ARAP3: variants seen among roughly 807,000 people sequenced by gnomAD.
The protein encoded by ARAP3 is ArfGAP with RhoGAP domain, ankyrin repeat and PH domain 3.
Under a neutral mutation model 169.2 loss-of-function variants are expected in ARAP3, and 82 were observed. The observed-to-expected ratio is 0.48, with a 90% CI of 0.41 to 0.58. The LOEUF is 0.58. Ranked by LOEUF, ARAP3 falls within the 20% of genes least tolerant of loss-of-function variation. The pLI is 0.00. For missense variants in ARAP3, 1,764 were observed against 2,018.0 expected (o/e 0.87, Z 2.41); for synonymous variants, 791 against 800.3 (o/e 0.99, Z 0.20).
Position 141,671,335 on chromosome 5 carries a change from C to A in ARAP3, c.1920G>T (p.Glu640Asp), listed in dbSNP as rs1159568855. ...ACCAGGGCTCCTCGCCTTCAAAGGC[C>A]TCAACACAGAGGAGCTGGGTCATGT... Reference protein sequence around the residue: ...LKNMTQLLCVEAFEGEEPWFP... With the variant: ...LKNMTQLLCVDAFEGEEPWFP... The change falls in exon 13 of 33, where the codon GAG becomes GAT. Residue 640 changes from glutamate to aspartate, a missense_variant. Physicochemically the swap from Glu to Asp is conservative, Grantham distance 45. Coordinates refer to ENST00000239440, the MANE Select transcript of ARAP3 (RefSeq NM_022481.6). This position sits in a 1 kb window ranked among gnomAD's most constrained non-coding sequence, Gnocchi z 4.9. 6.2e-7 allele frequency: 1 copy of A among 1,613,808 alleles called. No homozygotes were observed. The highest frequency in any genetic ancestry group is 1.7e-5 in the Admixed American group (1 of 59,954).
chr5:141,675,826 A>T (rs1275240012), intron 4 of ARAP3, among the ~76,000 whole-genome samples: 1 of 152,152 alleles, frequency 6.6e-6, no homozygotes, highest in Non-Finnish European at 1.5e-5. Flanking sequence ...ATCAGATAAG[A>T]ACCCCCACAG....
At chr5:141,666,152 C>T (rs185692147) in intron 17 of ARAP3, among the ~76,000 whole-genome samples, 159 of 152,102 alleles carry the variant, frequency 1.0e-3, no homozygotes, top group Admixed American at 1.8e-3. Context: ...CTATTTGAAC[C>T]TCACTACAAC....
At chr5:141,665,760 G>C (rs1448043751) in intron 17 of ARAP3, among the ~76,000 whole-genome samples, 1 of 152,144 alleles carries the variant, frequency 6.6e-6, no homozygotes, top group Admixed American at 6.5e-5. Flanking sequence ...ACCGGGCGCA[G>C]TGGCTCACTC....
chr5:141,669,780 C>A lies in ARAP3; in HGVS notation c.2281G>T (p.Gly761Trp). The A allele has an allele frequency of 1.9e-6, 3 of 1,614,142 alleles. No homozygotes were observed. The highest frequency in any genetic ancestry group is 1.1e-5 in the South Asian group (1 of 91,084). ...GTGCCAAAATGCTGGATCCTCCCCC[C>A]AGCGAGGATGAGCTCAAAGGAAAAG... ...FPFSFELILA[G>W]GRIQHFGTDG... The change falls in exon 16 of 33, where the codon GGG becomes TGG. Residue 761 changes from glycine (G) to tryptophan (W), a missense_variant. Gly to Trp is a radical substitution (Grantham distance 184). This residue lies in a region of ARAP3 where 1,112 missense variants were observed against 1,285.7 expected (regional missense o/e 0.86). Transcript: ENST00000239440.
At chr5:141,681,009 G>A (rs544757367) in intron 1 of ARAP3, among the ~76,000 whole-genome samples, 10 of 152,246 alleles carry the variant, frequency 6.6e-5, no homozygotes, top group Admixed American at 3.3e-4. Context: ...TTCCAGAGCC[G>A]ATGTATGCAG....
In ARAP3 at chr5:141,655,604, A is replaced by G; in HGVS notation, c.4110+17T>C. 1 of 1,584,162 alleles carries G rather than the reference A, an allele frequency of 6.3e-7. No individual in the cohort carries two copies. Among genetic ancestry groups the G allele is most frequent in the East Asian group, 2.3e-5 (1 of 42,730 alleles). On this transcript the variant is annotated intron_variant, in intron 31 of 32. Coordinates refer to ENST00000239440, the MANE Select transcript of ARAP3 (RefSeq NM_022481.6). ...TACACGACAGGAATCGGGTTGGGGC[A>G]GGGTGGGGTGCCTTACCAGGGTCTG...
In ARAP3 at chr5:141,672,995, G is replaced by C; in HGVS notation, c.1093+18C>G. ...CCTCCCTCCCTCCTGCCCTGACTCA[G>C]GGGGCTGTGGCCCTCACCCTCGCTC... On this transcript the variant is annotated intron_variant, in intron 7 of 32. Coordinates refer to ENST00000239440, the MANE Select transcript of ARAP3 (RefSeq NM_022481.6). This position sits in a 1 kb window ranked among gnomAD's most constrained non-coding sequence, Gnocchi z 4.9. The C allele has an allele frequency of 6.2e-7, 1 of 1,614,090 alleles. No homozygotes were observed. The highest frequency in any genetic ancestry group is 8.5e-7 in the Non-Finnish European group (1 of 1,179,988).
Position 141,665,195 on chromosome 5 carries a change from C to A in ARAP3, c.2637-110G>T, listed in dbSNP as rs1040244761. 2.6e-6 allele frequency: 4 copies of A among 1,565,422 alleles called. No individual in the cohort carries two copies. In the Admixed American group the frequency reaches 5.4e-5, roughly 21 times the overall value. ...GGCAGCAACACCCAACCCAAATCATCCTGGAGCAAGGGAAGAAACTTTGAG... is the reference window on the plus strand; with the variant it reads ...GGCAGCAACACCCAACCCAAATCATACTGGAGCAAGGGAAGAAACTTTGAG... On this transcript the variant is annotated intron_variant, in intron 18 of 32. Coordinates refer to ENST00000239440, the MANE Select transcript of ARAP3 (RefSeq NM_022481.6).
At chr5:141,655,826 G>C in intron 30 of ARAP3, 43 bp downstream of exon 30, 1 of 1,614,058 alleles carries the variant, frequency 6.2e-7, no homozygotes, top group Non-Finnish European at 8.5e-7. Flanking sequence ...CTGGGCCCCA[G>C]GGGGACCACA....
In ARAP3 at chr5:141,655,871, G is replaced by A; in HGVS notation, c.3970C>T (p.Gln1324Ter). ...CTCAGCCTTTTCTTTCCCCTCACCTGGGCTTTAAGGATGCTGGTGGTCCAA... is the reference window on the plus strand; with the variant it reads ...CTCAGCCTTTTCTTTCCCCTCACCTAGGCTTTAAGGATGCTGGTGGTCCAA... ...WDWTTSILKA[Q>*]HDDQQPVVLR... The change falls in exon 30 of 33, where the codon CAG becomes TAG. Residue 1324 changes from glutamine (Q) to a stop codon, truncating the protein, a stop_gained and splice_region_variant. Transcript: ENST00000239440. LOFTEE classifies it high-confidence loss of function. The A allele has an allele frequency of 6.2e-7, 1 of 1,614,040 alleles. No individual in the cohort carries two copies. The highest frequency in any genetic ancestry group is 1.1e-5 in the South Asian group (1 of 91,076).
At chr5:141,679,165 T>A (rs191298628) in intron 4 of ARAP3, among the ~76,000 whole-genome samples, 15 of 152,252 alleles carry the variant, frequency 9.9e-5, no homozygotes, top group East Asian at 1.9e-4. Context: ...GGCACGCACC[T>A]GTAATCCCAG....
chr5:141,670,158 G>A, intron 14 of ARAP3, 95 bp from the exon 15 acceptor site: 1 of 1,468,236 alleles, frequency 6.8e-7, no homozygotes, highest in Non-Finnish European at 9.1e-7. Flanking sequence ...CAAGCCCTTT[G>A]CCCATATATG....
In ARAP3 at chr5:141,659,826, C is replaced by G. The variant is rs781506578; in HGVS notation, c.3220G>C (p.Val1074Leu). Residue 1074 changes from valine (V) to leucine (L), a missense_variant, in exon 22 of 33, where the codon GTG (valine) becomes CTG (leucine). Transcript: ENST00000239440. ...TCAATGAGCTCTTGCAGCACTCGCA[C>G]CTCGTGCTCCCCTCGCCCATCCGTC... ...FQTDGRGEHE[V>L]RVLQELIDGY... 13 of 1,611,758 alleles carry G rather than the reference C, an allele frequency of 8.1e-6. 1 individual carries two copies. The East Asian group carries it at 2.9e-4, about 36-fold the overall frequency.
chr5:141,672,367 C>A lies in ARAP3; in HGVS notation c.1386-66G>T. 6.3e-7 allele frequency: 1 copy of A among 1,592,668 alleles called. No homozygotes were observed. The highest frequency in any genetic ancestry group is 8.6e-7 in the Non-Finnish European group (1 of 1,164,492). ...GCCATGTCCCATCCCCCTGGCTCTT[C>A]CTGCAGGAGCCACCACAGGCCACAC... On this transcript the variant is annotated intron_variant, in intron 9 of 32. Coordinates refer to ENST00000239440, the MANE Select transcript of ARAP3 (RefSeq NM_022481.6). The surrounding 1 kb of genome is among the most constrained non-coding windows in gnomAD (Gnocchi z 4.9).
intron 16 of ARAP3, among the ~76,000 whole-genome samples, chr5:141,666,933 T>C (rs1025639149): frequency 6.6e-6 from 1 of 152,030 alleles, no homozygotes; most frequent in African/African-American, 2.4e-5. Context: ...AATTGAGGTG[T>C]GGGTATAAGA....
At position 141,672,281 on chromosome 5, in the gene ARAP3, C is replaced by A. The variant is rs1359664789; in HGVS notation, c.1406G>T (p.Gly469Val). The part of the protein sequence containing the change: ...RCFSFTAESG[G>V]ARQSWAAALQ... ...AGCGGCCGCCCAGCTCTGCCGAGCA[C>A]CCCCAGACTCGGCTGTGAAGCTGAG... The change falls in exon 10 of 33, where the codon GGT (glycine) becomes GTT (valine). Residue 469 changes from glycine (G) to valine (V), a missense_variant. Physicochemically the swap from Gly to Val is moderately radical, Grantham distance 109. Transcript: ENST00000239440. This position sits in a 1 kb window ranked among gnomAD's most constrained non-coding sequence, Gnocchi z 4.9. The A allele has an allele frequency of 1.9e-6, 3 of 1,614,176 alleles. No homozygotes were observed. Among genetic ancestry groups the A allele is most frequent in the Admixed American group, 1.7e-5 (1 of 60,018 alleles).
intron 4 of ARAP3, among the ~76,000 whole-genome samples, chr5:141,675,526 CT>C (rs1470262512): frequency 1.3e-5 from 2 of 152,026 alleles, no homozygotes; most frequent in African/African-American, 4.8e-5. Context: ...CAAGACCAGC[CT>C]GGGCAATATG....
chr5:141,679,522 C>G, intron 4 of ARAP3, 23 bp downstream of exon 4: 1 of 1,608,710 alleles, frequency 6.2e-7, no homozygotes, highest in Non-Finnish European at 8.5e-7. Flanking sequence ...CTCCCTCCCA[C>G]CACTTCCCTA....
At position 141,656,548 on chromosome 5, in the gene ARAP3, A is replaced by G. The variant is rs1381380973; in HGVS notation, c.3745T>C (p.Phe1249Leu). The change falls in exon 27 of 33, where the codon TTT becomes CTT. Residue 1249 changes from phenylalanine to leucine, a missense_variant. This residue lies in a region of ARAP3 where 1,112 missense variants were observed against 1,285.7 expected (regional missense o/e 0.86). Coordinates refer to ENST00000239440, the MANE Select transcript of ARAP3 (RefSeq NM_022481.6). ...AGCAGGCAGCGGCCACGCAGCAGAAAGAACCTCTCCTGGAAGCGGCTTCCC... is the reference window on the plus strand; with the variant it reads ...AGCAGGCAGCGGCCACGCAGCAGAAGGAACCTCTCCTGGAAGCGGCTTCCC... ...LLGSRFQERF[F>L]LLRGRCLLLL... The G allele has an allele frequency of 6.2e-7, 1 of 1,612,780 alleles. No homozygotes were observed. Among genetic ancestry groups the G allele is most frequent in the African/African-American group, 1.3e-5 (1 of 74,914 alleles).
Sources: gnomAD v4.1 joint callset for allele counts (sites outside exome capture counted in the v4.1 genomes callset) on GRCh38, gnomAD v4.1.1 for gene constraint, gnomAD v4.1.1 regional missense constraint, Gnocchi (gnomAD v3.1) non-coding constraint, MANE v1.5 for transcripts, NCBI Gene and HGNC (gene_info 2026-07-23, HGNC 2026-07-21) for gene names.